Variants in GIGYF2 observed in about 807,000 individuals in gnomAD.
GIGYF2 encodes GRB10 interacting GYF protein 2.
A neutral mutation model predicts 208.1 loss-of-function variants in GIGYF2; 25 were observed. The observed-to-expected ratio is 0.12, with a 90% CI of 0.09 to 0.17. The LOEUF is 0.17. Ranked by LOEUF, GIGYF2 falls within the 10% of genes least tolerant of loss-of-function variation. The probability of loss-of-function intolerance (pLI) is 1.00; values close to 1 mark genes in which losing one functional copy is unlikely to be tolerated. For synonymous variants in GIGYF2, 534 were observed against 543.8 expected, an observed-to-expected ratio of 0.98 and a Z score of 0.25; for missense variants, 1,302 against 1,579.4, an observed-to-expected ratio of 0.82 and a Z score of 2.98.
At chr2:232,787,469 T>G (rs1699951457) in intron 9 of GIGYF2, 140 bp downstream of exon 9, 3 of 777,164 alleles carry the variant, frequency 3.9e-6, no homozygotes, top group South Asian at 1.7e-5. Context: ...ACAGTTTTAT[T>G]ACTAGAAAAA....
At chr2:232,776,379 TG>T (rs1699513671) in intron 8 of GIGYF2, 2 of 1,233,216 alleles carry the variant, frequency 1.6e-6, no homozygotes, top group East Asian at 4.7e-5. Flanking sequence ...TGTTGCTATT[TG>T]CCAGTCAGTT....
At chr2:232,839,808 A>G (rs1379852883) in intron 22 of GIGYF2, 41 bp from the exon 23 acceptor site, 5 of 1,611,016 alleles carry the variant, frequency 3.1e-6, no homozygotes, top group Non-Finnish European at 4.2e-6. Context: ...TTTCCTGTCC[A>G]CATTTCCTCA....
At chr2:232,838,438 C>T (rs1450333674) in intron 22 of GIGYF2, among the ~76,000 whole-genome samples, 1 of 152,162 alleles carries the variant, frequency 6.6e-6, no homozygotes, top group African/African-American at 2.4e-5. Context: ...TTTCTGGAGG[C>T]ACTGCCTCTA....
intron 8 of GIGYF2, among the ~76,000 whole-genome samples, chr2:232,772,807 T>C (rs550691189): frequency 1.3e-5 from 2 of 152,310 alleles, no homozygotes; most frequent in Non-Finnish European, 1.5e-5. Flanking sequence ...TGCCTTTTAA[T>C]GGGGCTTGAG....
intron 8 of GIGYF2, among the ~76,000 whole-genome samples, chr2:232,786,800 T>C (rs1233570390): frequency 6.6e-6 from 1 of 152,198 alleles, no homozygotes; most frequent in Non-Finnish European, 1.5e-5. Context: ...CATGTGTAAG[T>C]GTACCCATGG....
rs1414027162 is a variant in GIGYF2, at chr2:232,776,718, A to G, written c.533-10432A>G. 6 of 472,094 alleles carry G rather than the reference A, an allele frequency of 1.3e-5. No homozygotes were observed. In the Admixed American group the frequency reaches 1.4e-4, roughly 11 times the overall value. 29.2% of individuals were successfully genotyped at this position (472,094 alleles called of 1,614,324 possible). A position where few individuals can be genotyped will look rare whatever the true frequency, so the allele number is the denominator to read the frequency against. ...TTGTTAGGAGGTCTTTCTTTACCCA[A>G]CACAAACCTTAACAACTCTGGAGAA... On this transcript the variant is annotated intron_variant, in intron 8 of 28. Transcript: ENST00000373563.
At chr2:232,829,411 G>A (rs1182366995) in intron 21 of GIGYF2, among the ~76,000 whole-genome samples, 1 of 152,068 alleles carries the variant, frequency 6.6e-6, no homozygotes, top group African/African-American at 2.4e-5. Context: ...AATTGTATAA[G>A]GAACATTCTG....
intron 2 of GIGYF2, chr2:232,729,602 G>C: frequency 1.5e-6 from 2 of 1,304,618 alleles, no homozygotes; most frequent in South Asian, 1.2e-5. Flanking sequence ...CAGCTTATCT[G>C]TTCCAACTTT....
intron 28 of GIGYF2, among the ~76,000 whole-genome samples, chr2:232,852,084 G>A (rs1690359942): frequency 6.6e-6 from 1 of 152,002 alleles, no homozygotes; most frequent in Non-Finnish European, 1.5e-5. Context: ...ACTGGGTTGA[G>A]TTTGAAATGT....
chr2:232,797,080 G>GTT (rs11394783), intron 14 of GIGYF2, among the ~76,000 whole-genome samples: 94 of 147,138 alleles, frequency 6.4e-4, no homozygotes, highest in Middle Eastern at 7.0e-3. Flanking sequence ...GACCTTGACT[G>GTT]TTTTTTTTTT....
rs534152111 is a variant in GIGYF2 at position 232,815,861 on chromosome 2, A to G, written c.2208+124A>G. On this transcript the variant is annotated intron_variant, in intron 19 of 28. Transcript: ENST00000373563. ...TTCAGTTTACTGCTGCTTAGCTGGTATAAGTACATTCATATTGTATCTTTA... is the reference window on the plus strand; with the variant it reads ...TTCAGTTTACTGCTGCTTAGCTGGTGTAAGTACATTCATATTGTATCTTTA... 8.6e-6 allele frequency: 6 copies of G among 695,356 alleles called. No individual in the cohort carries two copies. In the African/African-American group the frequency reaches 8.8e-5, roughly 10 times the overall value. The allele number at this position is 695,356 out of a possible 1,614,324, so 43.1% of individuals were successfully genotyped here. A position where few individuals can be genotyped will look rare whatever the true frequency, so the allele number is the denominator to read the frequency against.
intron 23 of GIGYF2, 118 bp downstream of exon 23, chr2:232,840,089 G>T: frequency 9.2e-7 from 1 of 1,082,478 alleles, no homozygotes. Context: ...GTCTGAATTG[G>T]ACGTTCATTA....
chr2:232,785,459 A>G (rs1699880383), intron 8 of GIGYF2, among the ~76,000 whole-genome samples: 2 of 152,260 alleles, frequency 1.3e-5, no homozygotes, highest in East Asian at 1.9e-4. Context: ...TTGCCATGCA[A>G]GCTTCTCCAC....
chr2:232,824,536 G>T (rs1701190877), intron 21 of GIGYF2, among the ~76,000 whole-genome samples: 1 of 152,192 alleles, frequency 6.6e-6, no homozygotes, highest in Non-Finnish European at 1.5e-5. Context: ...TCAATTCTGT[G>T]AAAGCCGAGA....
chr2:232,787,505 C>T (rs1699952237), intron 9 of GIGYF2, among the ~76,000 whole-genome samples, 176 bp downstream of exon 9: 1 of 152,064 alleles, frequency 6.6e-6, no homozygotes, highest in Admixed American at 6.6e-5. Flanking sequence ...TTTCCTACAT[C>T]TATTCAGTTG....
intron 8 of GIGYF2, chr2:232,782,862 A>G (rs1483222531): frequency 6.6e-6 from 1 of 152,228 alleles, no homozygotes; most frequent in East Asian, 1.9e-4. Flanking sequence ...TATCTTGGGA[A>G]GGGCTGATTG....
chr2:232,768,738 GCTA>G, intron 8 of GIGYF2: 1 of 1,601,336 alleles, frequency 6.2e-7, no homozygotes, highest in East Asian at 2.2e-5. Flanking sequence ...ATCCATGTGA[GCTA>G]CTACTGCTGT....
At chr2:232,708,698 T>C (rs933918542) in intron 2 of GIGYF2, among the ~76,000 whole-genome samples, 1 of 143,908 alleles carries the variant, frequency 6.9e-6, no homozygotes, top group Non-Finnish European at 1.5e-5. Context: ...AAAAAGTAGC[T>C]GGGCATGGTG....
At chr2:232,700,904 T>C (rs773861040) in intron 1 of GIGYF2, among the ~76,000 whole-genome samples, 2 of 152,234 alleles carry the variant, frequency 1.3e-5, no homozygotes, top group African/African-American at 2.4e-5. Flanking sequence ...TTTAATACTT[T>C]GAAAAATTAC....
Sources: gnomAD v4.1 joint callset for allele counts (sites outside exome capture counted in the v4.1 genomes callset) on GRCh38, gnomAD v4.1.1 for gene constraint, MANE v1.5 for transcripts, NCBI Gene and HGNC (gene_info 2026-07-23, HGNC 2026-07-21) for gene names.